Variants in ENTPD1 observed in about 807,000 individuals in gnomAD.
The protein encoded by ENTPD1 is ectonucleoside triphosphate diphosphohydrolase 1.
A neutral mutation model predicts 57.0 loss-of-function variants in ENTPD1; 33 were observed. The observed-to-expected ratio is 0.58, with a 90% CI of 0.44 to 0.77. The LOEUF is 0.77. Ranked by LOEUF, ENTPD1 falls within the 30% of genes least tolerant of loss-of-function variation. ENTPD1 has a pLI of 0.00. For missense variants in ENTPD1, 501 were observed against 603.4 expected, an observed-to-expected ratio of 0.83 and a Z score of 1.78; for synonymous variants, 202 against 218.8, an observed-to-expected ratio of 0.92 and a Z score of 0.68.
chr10:95,720,345 G>A (rs192333843), intron 1 of ENTPD1, among the ~76,000 whole-genome samples: 16 of 152,266 alleles, frequency 1.1e-4, no homozygotes, highest in Non-Finnish European at 1.3e-4. Context: ...TATAATGGCC[G>A]CTGCTTTTGC....
chr10:95,855,698 C>T (rs1409163580), intron 7 of ENTPD1, among the ~76,000 whole-genome samples: 2 of 152,120 alleles, frequency 1.3e-5, no homozygotes, highest in Non-Finnish European at 2.9e-5. Flanking sequence ...ACTTATGAAG[C>T]TTAGGTTGGC....
chr10:95,707,114 G>A (rs560222006), upstream of ENTPD1, among the ~76,000 whole-genome samples: 3 of 152,308 alleles, frequency 2.0e-5, no homozygotes, highest in South Asian at 2.1e-4. Flanking sequence ...CAGGGATCCC[G>A]CTTGTTCCCA....
chr10:95,698,864 A>G, the ENTPD1 span, among the ~76,000 whole-genome samples: 2 of 152,246 alleles, frequency 1.3e-5, no homozygotes, highest in African/African-American at 4.8e-5. Flanking sequence ...TTTCTTCTTC[A>G]AAAACCCTGC....
Position 95,874,005 on chromosome 10 carries a change from C to T in ENTPD1, c.*7622C>T, listed in dbSNP as rs898230623. ...CAACATGTGGGAATTCTGGGAGATACAATTCAAGTTGAGATTTGGGTGGGG... is the reference window on the plus strand; with the variant it reads ...CAACATGTGGGAATTCTGGGAGATATAATTCAAGTTGAGATTTGGGTGGGG... On this transcript the variant is annotated 3_prime_UTR_variant, in exon 10 of 10. Coordinates refer to ENST00000371205, the MANE Select transcript of ENTPD1 (RefSeq NM_001776.6). 2.0e-5 allele frequency among the ~76,000 whole-genome samples: 3 copies of T among 152,158 alleles called. No individual in the cohort carries two copies. The highest frequency in any genetic ancestry group is 7.2e-5 in the African/African-American group (3 of 41,432).
chr10:95,827,221 A>G (rs2098380331), intron 2 of ENTPD1, among the ~76,000 whole-genome samples: 1 of 152,130 alleles, frequency 6.6e-6, no homozygotes, highest in African/African-American at 2.4e-5. Context: ...TGGGAGGCTG[A>G]GGTGGGTGGA....
At chr10:95,763,586 C>T (rs1321251189) in intron 1 of ENTPD1, among the ~76,000 whole-genome samples, 2 of 152,086 alleles carry the variant, frequency 1.3e-5, no homozygotes, top group African/African-American at 4.8e-5. Flanking sequence ...TATCTCCAAC[C>T]ATAATATTCT....
intron 1 of ENTPD1, among the ~76,000 whole-genome samples, chr10:95,722,763 G>T (rs1259028030): frequency 6.6e-6 from 1 of 152,178 alleles, no homozygotes; most frequent in African/African-American, 2.4e-5. Context: ...TCCTAGGTCT[G>T]GTCGGACCTT....
intron 7 of ENTPD1, among the ~76,000 whole-genome samples, chr10:95,854,804 G>A (rs1027343515): frequency 6.6e-6 from 1 of 152,164 alleles, no homozygotes; most frequent in African/African-American, 2.4e-5. Context: ...GAGACAGTTT[G>A]TTATAATTTC....
chr10:95,700,946 C>G, the ENTPD1 span, among the ~76,000 whole-genome samples: 3 of 152,066 alleles, frequency 2.0e-5, no homozygotes. Context: ...GTGCCCACCA[C>G]CACGCCTGGC....
chr10:95,814,707 T>C (rs1249315041), intron 1 of ENTPD1, among the ~76,000 whole-genome samples: 1 of 152,134 alleles, frequency 6.6e-6, no homozygotes, highest in Non-Finnish European at 1.5e-5. Flanking sequence ...CCGAGAATAA[T>C]TGGCTAATTA....
At chr10:95,850,792 C>T (rs976982286) in intron 7 of ENTPD1, among the ~76,000 whole-genome samples, 2 of 152,180 alleles carry the variant, frequency 1.3e-5, no homozygotes, top group African/African-American at 4.8e-5. Context: ...TTATCGAGTC[C>T]TGCCTCTTGA....
intron 1 of ENTPD1, among the ~76,000 whole-genome samples, chr10:95,765,362 G>C (rs1199641591): frequency 2.0e-5 from 3 of 152,078 alleles, no homozygotes; most frequent in Non-Finnish European, 2.9e-5. Flanking sequence ...GTTAGTTTTT[G>C]TATATGTTAT....
chr10:95,846,015 A>AC (rs1236547674), intron 6 of ENTPD1: 50 of 207,538 alleles, frequency 2.4e-4, no homozygotes, highest in African/African-American at 1.1e-3. Flanking sequence ...AGGAAAAAAA[A>AC]AAAAACACTT....
chr10:95,707,183 C>T (rs2097962905), upstream of ENTPD1, among the ~76,000 whole-genome samples: 1 of 152,144 alleles, frequency 6.6e-6, no homozygotes, highest in African/African-American at 2.4e-5. Context: ...GTGGGGGCTG[C>T]AGCTGCACCC....
chr10:95,765,124 A>G (rs572255867), intron 1 of ENTPD1, among the ~76,000 whole-genome samples: 1 of 152,146 alleles, frequency 6.6e-6, no homozygotes, highest in East Asian at 1.9e-4. Flanking sequence ...ATTTTCTCCC[A>G]TTCTGTGGGT....
Position 95,866,436 on chromosome 10 carries a change from G to A in ENTPD1, c.*53G>A. 3 of 1,607,530 alleles carry A rather than the reference G, an allele frequency of 1.9e-6. No homozygotes were observed. The highest frequency in any genetic ancestry group is 1.3e-5 in the African/African-American group (1 of 74,966). Reference sequence around the variant, plus strand: ...AGTGAGGAAAAAAATCGTCCAGGGAGCATTTTCCTCCATCGCAGTGTTCAA... The same window carrying A: ...AGTGAGGAAAAAAATCGTCCAGGGAACATTTTCCTCCATCGCAGTGTTCAA... On this transcript the variant is annotated 3_prime_UTR_variant, in exon 10 of 10. Coordinates refer to ENST00000371205, the MANE Select transcript of ENTPD1 (RefSeq NM_001776.6).
intron 1 of ENTPD1, among the ~76,000 whole-genome samples, chr10:95,776,704 C>A (rs952802947): frequency 1.3e-5 from 2 of 152,200 alleles, no homozygotes; most frequent in East Asian, 3.8e-4. Flanking sequence ...AGGAAGTTCT[C>A]GTGGATAACA....
chr10:95,872,206 T>C lies in ENTPD1; in HGVS notation c.*5823T>C, dbSNP rs942516082. The C allele has an allele frequency of 1.0e-6, 1 of 985,476 alleles. No individual in the cohort carries two copies. Among genetic ancestry groups the C allele is most frequent in the Middle Eastern group, 5.2e-4 (1 of 1,914 alleles). The allele number at this position is 985,476 out of a possible 1,614,324, so 61.0% of individuals were successfully genotyped here. On this transcript the variant is annotated 3_prime_UTR_variant, in exon 10 of 10. Coordinates refer to ENST00000371205, the MANE Select transcript of ENTPD1 (RefSeq NM_001776.6). ...CAATCTGTTGCTGCTAGATTAATCT[T>C]TGCAAAGCACAGGCTTAATTTCATT...
At chr10:95,743,038 A>G (rs2098002123) in intron 1 of ENTPD1, among the ~76,000 whole-genome samples, 1 of 152,152 alleles carries the variant, frequency 6.6e-6, no homozygotes, top group Admixed American at 6.6e-5. Context: ...CTTTATTCAG[A>G]TTTCTTTAGT....
Sources: gnomAD v4.1 joint callset for allele counts (sites outside exome capture counted in the v4.1 genomes callset) on GRCh38, gnomAD v4.1.1 for gene constraint, MANE v1.5 for transcripts, NCBI Gene and HGNC (gene_info 2026-07-23, HGNC 2026-07-21) for gene names.